The following AGA variants were observed in gnomAD, a reference collection of about 807,000 sequenced individuals.
AGA encodes aspartylglucosaminidase.
AGA carries 31 observed loss-of-function variants against 40.1 expected under a neutral mutation model. That is an observed-to-expected ratio of 0.77 (90% CI 0.58 to 1.04). The LOEUF is 1.04. Among genes scored for constraint, AGA ranks in the 50% least tolerant of loss-of-function variants. The pLI, the probability that AGA is intolerant of heterozygous loss-of-function variation, is 0.00. For synonymous variants in AGA, 148 were observed against 144.0 expected (o/e 1.03, Z -0.20); for missense variants, 445 against 435.4 (o/e 1.02, Z -0.20).
intron 8 of AGA, 30 bp from the exon 9 acceptor site, chr4:177,431,838 T>C: frequency 6.4e-7 from 1 of 1,558,166 alleles, no homozygotes; most frequent in Non-Finnish European, 8.8e-7. Flanking sequence ...AGAAGTTTGG[T>C]GAACTATAGG....
intron 7 of AGA, 33 bp downstream of exon 7, chr4:177,434,349 G>T (rs953192884): frequency 6.3e-7 from 1 of 1,575,884 alleles, no homozygotes. Context: ...CTTCTCCAAA[G>T]GTCTCTAAAA....
chr4:177,435,152 C>T (rs576568113), intron 6 of AGA, among the ~76,000 whole-genome samples: 1 of 152,146 alleles, frequency 6.6e-6, no homozygotes, highest in South Asian at 2.1e-4. Context: ...CTCAGGTGAT[C>T]TGCCTGCCTT....
rs374713074 is a variant in AGA at position 177,432,036 on chromosome 4, TTTGTTG to T, written c.941-234_941-229del. 3.3e-3 allele frequency among the ~76,000 whole-genome samples: 510 copies of T among 152,290 alleles called. No homozygotes were observed. The highest frequency in any genetic ancestry group is 0.011 in the African/African-American group (459 of 41,564). On this transcript the variant is annotated intron_variant, in intron 8 of 8. Coordinates refer to ENST00000264595, the MANE Select transcript of AGA (RefSeq NM_000027.4). ...TTGAACTTCAGAAAACTGGCTGGTT[TTTGTTG>T]TTGTTGTTGATCTATACACATGCTG...
chr4:177,431,737 G>C lies in AGA; in HGVS notation c.1012C>G (p.Pro338Ala), dbSNP rs773608824. Reference protein sequence around the residue: ...FMVYNSEKNQPTEEKVDCI With the variant: ...FMVYNSEKNQATEEKVDCI ...ATGCAGTCCACTTTTTCCTCAGTTGGCTGATTTTTTTCGGAATTATAAACC... is the reference window on the plus strand; with the variant it reads ...ATGCAGTCCACTTTTTCCTCAGTTGCCTGATTTTTTTCGGAATTATAAACC... Residue 338 changes from proline (P) to alanine (A), a missense_variant, in exon 9 of 9, where the codon CCA (proline) becomes GCA (alanine). By Grantham distance (27) the Pro-to-Ala change is conservative (BLOSUM62 -1). Transcript: ENST00000264595. The C allele has an allele frequency of 1.9e-6, 3 of 1,613,448 alleles. No individual in the cohort carries two copies. The highest frequency in any genetic ancestry group is 1.1e-5 in the South Asian group (1 of 91,070).
intron 3 of AGA, 23 bp from the exon 4 acceptor site, chr4:177,438,880 G>A: frequency 7.2e-7 from 1 of 1,394,172 alleles, no homozygotes; most frequent in Non-Finnish European, 1.0e-6. Flanking sequence ...AAAAAGGAAA[G>A]TATAAATTAT....
At chr4:177,442,079 G>C (rs570017809) in intron 1 of AGA, among the ~76,000 whole-genome samples, 170 bp downstream of exon 1, 2 of 152,320 alleles carry the variant, frequency 1.3e-5, no homozygotes, top group Non-Finnish European at 2.9e-5. Context: ...ACTTGCAAGA[G>C]ACTGAGCGGC....
In AGA at chr4:177,431,101, T is replaced by C. The variant is rs1338005118; in HGVS notation, c.*607A>G. On this transcript the variant is annotated 3_prime_UTR_variant, in exon 9 of 9. Coordinates refer to ENST00000264595, the MANE Select transcript of AGA (RefSeq NM_000027.4). ...GAACTTTCACACACTGAGAGCTCCATAAGAGGAAAAAAGCAAAGAAAATCA... is the reference window on the plus strand; with the variant it reads ...GAACTTTCACACACTGAGAGCTCCACAAGAGGAAAAAAGCAAAGAAAATCA... The C allele has an allele frequency of 4.4e-6, 2 of 449,958 alleles. No individual in the cohort carries two copies. Among genetic ancestry groups the C allele is most frequent in the African/African-American group, 2.0e-5 (1 of 49,648 alleles). 27.9% of individuals were successfully genotyped at this position (449,958 alleles called of 1,614,324 possible).
At position 177,433,364 on chromosome 4, in the gene AGA, T is replaced by G. The variant is rs776282100; in HGVS notation, c.807-17A>C. 9.3e-6 allele frequency: 15 copies of G among 1,613,836 alleles called. No individual in the cohort carries two copies. The highest frequency in any genetic ancestry group is 1.3e-5 in the Non-Finnish European group (15 of 1,179,950). ...GCTTGGTAGCTGATTGAAACAGAGG[T>G]GAAACCTTAGTGTCTCAGAATAAAT... On this transcript the variant is annotated splice_polypyrimidine_tract_variant and intron_variant, in intron 7 of 8. Transcript: ENST00000264595.
rs146710132 is a variant in AGA at position 177,434,395 on chromosome 4, G to A, written c.793C>T (p.Arg265Cys). ...AAGAAGTCATACCTTGGCAGGAAGC[G>A]CATCAATATATCACCATTCCCAGTG... Reference protein sequence around the residue: ...AATGNGDILMRFLPSYQAVEY... With the variant: ...AATGNGDILMCFLPSYQAVEY... The change falls in exon 7 of 9, where the codon CGC becomes TGC. Residue 265 changes from arginine to cysteine, a missense_variant. Coordinates refer to ENST00000264595, the MANE Select transcript of AGA (RefSeq NM_000027.4). The A allele has an allele frequency of 2.7e-4, 439 of 1,613,780 alleles. 1 individual carries two copies. Among genetic ancestry groups the A allele is most frequent in the Non-Finnish European group, 3.4e-4 (406 of 1,179,802 alleles).
At chr4:177,433,385 T>C in intron 7 of AGA, 38 bp from the exon 8 acceptor site, 1 of 1,613,404 alleles carries the variant, frequency 6.2e-7, no homozygotes, top group Non-Finnish European at 8.5e-7. Flanking sequence ...TGTCTCAGAA[T>C]AAATACTAAC....
intron 8 of AGA, among the ~76,000 whole-genome samples, chr4:177,432,618 G>A (rs540093494): frequency 6.6e-6 from 1 of 152,284 alleles, no homozygotes; most frequent in Admixed American, 6.5e-5. Context: ...ATATTGATCA[G>A]TAAGCTGTGT....
intron 1 of AGA, among the ~76,000 whole-genome samples, chr4:177,441,973 G>C (rs1176339201): frequency 2.6e-5 from 4 of 152,334 alleles, no homozygotes; most frequent in Admixed American, 1.3e-4. Flanking sequence ...CATAACTATG[G>C]TCAGCAGCAG....
Position 177,439,154 on chromosome 4 carries a change from G to A in AGA, c.395-297C>T, listed in dbSNP as rs538397073. On this transcript the variant is annotated intron_variant, in intron 3 of 8. Transcript: ENST00000264595. ...TCCCAGCACTTTGGGAGGCTGAGGC[G>A]GGTGGATCACGAAGTCAAGAGATTG... Among the ~76,000 whole-genome samples the A allele has an allele frequency of 3.1e-3, 464 of 152,120 alleles. 1 individual carries two copies. The highest frequency in any genetic ancestry group is 5.2e-3 in the Non-Finnish European group (354 of 67,998).
At chr4:177,436,237 G>C (rs935244358) in intron 6 of AGA, 39 bp downstream of exon 6, 2 of 1,510,536 alleles carry the variant, frequency 1.3e-6, no homozygotes, top group Non-Finnish European at 1.8e-6. Flanking sequence ...TCTGCATTCA[G>C]TGTATATTTG....
chr4:177,440,048 C>A, intron 2 of AGA: 1 of 604,884 alleles, frequency 1.7e-6, no homozygotes, highest in Non-Finnish European at 2.9e-6. Context: ...TTTAGCTTGG[C>A]ATTCTCCCAG....
intron 4 of AGA, among the ~76,000 whole-genome samples, chr4:177,438,116 G>C (rs1329529866): frequency 6.6e-6 from 1 of 152,106 alleles, no homozygotes; most frequent in Non-Finnish European, 1.5e-5. Flanking sequence ...TTACACATCA[G>C]TGCGCTAGGT....
rs1737069560 is a variant in AGA, at chr4:177,442,403, G to T, written c.-28C>A. On this transcript the variant is annotated 5_prime_UTR_variant, in exon 1 of 9. Transcript: ENST00000264595. Reference sequence around the variant, plus strand: ...CTGACCACCGAAGAGACCAGCGCGAGAAAAGTCCCGGCAGCCAGCGATCGC... The same window carrying T: ...CTGACCACCGAAGAGACCAGCGCGATAAAAGTCCCGGCAGCCAGCGATCGC... 2 of 1,613,754 alleles carry T rather than the reference G, an allele frequency of 1.2e-6. No homozygotes were observed. The highest frequency in any genetic ancestry group is 1.7e-4 in the Middle Eastern group (1 of 6,058).
intron 1 of AGA, 69 bp from the exon 2 acceptor site, chr4:177,440,495 C>T: frequency 1.3e-6 from 2 of 1,524,338 alleles, no homozygotes; most frequent in Non-Finnish European, 1.8e-6. Flanking sequence ...TGCAACAAAC[C>T]AACTCCAATT....
chr4:177,435,943 A>AAC (rs916404197), intron 6 of AGA, among the ~76,000 whole-genome samples: 9 of 151,842 alleles, frequency 5.9e-5, no homozygotes, highest in South Asian at 2.1e-4. Flanking sequence ...GGGAGCCCTG[A>AAC]ACACACACAC....
Sources: allele counts gnomAD v4.1 joint callset (sites outside exome capture counted in the v4.1 genomes callset), GRCh38; gene constraint gnomAD v4.1.1; transcripts MANE v1.5; gene names NCBI Gene and HGNC (gene_info 2026-07-23, HGNC 2026-07-21).